The following AKAP8L variants were observed in gnomAD, a reference collection of about 807,000 sequenced individuals.
The protein encoded by AKAP8L is A-kinase anchoring protein 8 like, also known as A-kinase anchor protein 8-like.
Under a neutral mutation model 77.5 loss-of-function variants are expected in AKAP8L, and 34 were observed. That is an observed-to-expected ratio of 0.44 (90% confidence interval 0.33 to 0.58). AKAP8L has a LOEUF of 0.58. Ranked by LOEUF, AKAP8L falls within the 20% of genes least tolerant of loss-of-function variation. The pLI, the probability that AKAP8L is intolerant of heterozygous loss-of-function variation, is 0.02. For missense variants in AKAP8L, 806 were observed against 887.6 expected (o/e 0.91, Z 1.17); for synonymous variants, 342 against 340.7 (o/e 1.00, Z -0.04).
At chr19:15,415,418 T>C (rs1968185291) in intron 1 of AKAP8L, among the ~76,000 whole-genome samples, 1 of 151,658 alleles carries the variant, frequency 6.6e-6, no homozygotes, top group Admixed American at 6.6e-5. Flanking sequence ...CTGGGCAACA[T>C]AGTGAGACCC....
intron 1 of AKAP8L, among the ~76,000 whole-genome samples, chr19:15,418,155 C>A (rs560329829): frequency 1.3e-5 from 2 of 152,220 alleles, no homozygotes; most frequent in African/African-American, 2.4e-5. Context: ...AGTGGAGCGA[C>A]CCCCGCACGG....
chr19:15,390,075 A>G (rs1199331564), intron 12 of AKAP8L, among the ~76,000 whole-genome samples: 1 of 152,132 alleles, frequency 6.6e-6, no homozygotes, highest in African/African-American at 2.4e-5. Context: ...CTATCTGAAT[A>G]TACCCTATAA....
At chr19:15,390,868 C>T (rs1475933855) in intron 12 of AKAP8L, among the ~76,000 whole-genome samples, 1 of 152,170 alleles carries the variant, frequency 6.6e-6, no homozygotes, top group Non-Finnish European at 1.5e-5. Context: ...AAGTCCAACA[C>T]CATTTTAAGA....
rs749492384 is a variant in AKAP8L at position 15,401,467 on chromosome 19, G to T, written c.499C>A (p.Gln167Lys). Reference sequence around the variant, plus strand: ...GTGTCGTTGCCACGCATGCGGAACTGGTCGCGGTAGGCATCGTATTGGCCC... The same window carrying T: ...GTGTCGTTGCCACGCATGCGGAACTTGTCGCGGTAGGCATCGTATTGGCCC... The part of the protein sequence containing the change: ...YEGQYDAYRD[Q>K]FRMRGNDTFG... Residue 167 changes from glutamine to lysine, a missense_variant, in exon 5 of 14, where the codon CAG (glutamine) becomes AAG (lysine). This residue lies in a region of AKAP8L where 580 missense variants were observed against 694.1 expected (regional missense o/e 0.84). Transcript: ENST00000397410. The surrounding 1 kb of genome is among the most constrained non-coding windows in gnomAD (Gnocchi z 6.2). 25 of 1,613,688 alleles carry T rather than the reference G, an allele frequency of 1.5e-5. No individual in the cohort carries two copies. The African/African-American group carries it at 2.9e-4, about 19-fold the overall frequency.
chr19:15,404,180 G>C (rs370639408), intron 2 of AKAP8L, 138 bp from the exon 3 acceptor site: 1 of 810,066 alleles, frequency 1.2e-6, no homozygotes, highest in African/African-American at 1.7e-5. Context: ...TTGAGCTCGC[G>C]AGCACTGCGC....
chr19:15,415,897 CAA>C (rs60781424), intron 1 of AKAP8L, among the ~76,000 whole-genome samples: 2 of 149,508 alleles, frequency 1.3e-5, no homozygotes, highest in South Asian at 2.1e-4. Flanking sequence ...AAAAAAAAAA[CAA>C]AAAAAAAATC....
At chr19:15,394,531 G>C (rs1290907079) in intron 12 of AKAP8L, among the ~76,000 whole-genome samples, 1 of 151,848 alleles carries the variant, frequency 6.6e-6, no homozygotes, top group Admixed American at 6.6e-5. Flanking sequence ...CCAATGAATT[G>C]GTTTTTTTTT....
intron 12 of AKAP8L, chr19:15,381,267 G>A (rs551281713): frequency 2.6e-5 from 4 of 152,984 alleles, no homozygotes; most frequent in Middle Eastern, 3.4e-3. Context: ...GTGAAAAATG[G>A]GAAAACACCT....
Position 15,380,442 on chromosome 19 carries a change from G to A in AKAP8L, c.1633-12C>T, listed in dbSNP as rs761263248. 1.9e-6 allele frequency: 3 copies of A among 1,609,206 alleles called. No individual in the cohort carries two copies. Among genetic ancestry groups the A allele is most frequent in the Non-Finnish European group, 2.5e-6 (3 of 1,178,168 alleles). On this transcript the variant is annotated splice_polypyrimidine_tract_variant and intron_variant, in intron 13 of 13. Transcript: ENST00000397410. ...AAAGGGTTCTCGCCCTGTGGGGAGG[G>A]GCGCGGACACTGAAGGGAGGGAGCA...
At chr19:15,400,220 G>GCC (rs1568268141) in intron 8 of AKAP8L, 75 bp downstream of exon 8, 2 of 1,495,316 alleles carry the variant, frequency 1.3e-6, no homozygotes, top group East Asian at 2.3e-5. Flanking sequence ...CCGCAACCCT[G>GCC]CCCTCAGCTG....
chr19:15,402,870 C>T (rs1967925830), intron 4 of AKAP8L, among the ~76,000 whole-genome samples: 1 of 152,234 alleles, frequency 6.6e-6, no homozygotes, highest in Admixed American at 6.5e-5. Context: ...CGAGGCCCAG[C>T]CCCACCAAGT....
In AKAP8L at chr19:15,380,292, C is replaced by T. The variant is rs934255513; in HGVS notation, c.1771G>A (p.Val591Met). 1.3e-6 allele frequency: 2 copies of T among 1,528,614 alleles called. No homozygotes were observed. The highest frequency in any genetic ancestry group is 8.7e-7 in the Non-Finnish European group (1 of 1,144,248). The allele number at this position is 1,528,614 out of a possible 1,614,324, so 94.7% of individuals were successfully genotyped here. Residue 591 changes from valine to methionine, a missense_variant, in exon 14 of 14, where the codon GTG becomes ATG. Physicochemically the swap from Val to Met is conservative, Grantham distance 21. Around this residue, in one of 2 missense-constraint regions of AKAP8L, gnomAD observed 226 missense variants for 193.5 expected, o/e 1.17. Transcript: ENST00000397410. ...GAEGVPAQPP[V>M]PPEPAPGAVS... Reference sequence around the variant, plus strand: ...GCCCCGGGGGCTGGCTCTGGGGGCACGGGAGGCTGCGCCGGCACGCCCTCT... The same window carrying T: ...GCCCCGGGGGCTGGCTCTGGGGGCATGGGAGGCTGCGCCGGCACGCCCTCT...
Position 15,401,696 on chromosome 19 carries a change from C to A in AKAP8L, c.363-93G>T. 9.8e-7 allele frequency: 1 copy of A among 1,018,984 alleles called. No homozygotes were observed. The highest frequency in any genetic ancestry group is 1.4e-6 in the Non-Finnish European group (1 of 709,328). The allele number at this position is 1,018,984 out of a possible 1,614,324, so 63.1% of individuals were successfully genotyped here. On this transcript the variant is annotated intron_variant, in intron 4 of 13. Transcript: ENST00000397410. This position sits in a 1 kb window ranked among gnomAD's most constrained non-coding sequence, Gnocchi z 6.2. The stretch of plus-strand genomic sequence containing the variant: ...TGCCCTCCCCAATCTCCCAGTCCAG[C>A]ACCCACCCTGCCCTGGTTGGGAGGC...
At chr19:15,387,303 C>A (rs1054415584) in intron 12 of AKAP8L, among the ~76,000 whole-genome samples, 1 of 152,144 alleles carries the variant, frequency 6.6e-6, no homozygotes, top group African/African-American at 2.4e-5. Flanking sequence ...ACAGTGAGAG[C>A]ACGGCCTTAA....
chr19:15,384,949 C>T (rs1442594801), intron 12 of AKAP8L, among the ~76,000 whole-genome samples: 2 of 150,862 alleles, frequency 1.3e-5, no homozygotes, highest in East Asian at 1.9e-4. Context: ...CAGCTCACTG[C>T]GAGCTCCGCC....
At position 15,389,510 on chromosome 19, in the gene AKAP8L, C is replaced by T. The variant is rs1279357753; in HGVS notation, c.1536+7640G>A. 2.6e-5 allele frequency among the ~76,000 whole-genome samples: 4 copies of T among 152,090 alleles called. 1 individual carries two copies. The highest frequency in any genetic ancestry group is 4.1e-4 in the South Asian group (2 of 4,832). ...AGCTCAGGCCGGGCGTGGTGGCTCA[C>T]GCCTGTAATCCCAGCACTTTGGGAG... On this transcript the variant is annotated intron_variant, in intron 12 of 13. Transcript: ENST00000397410.
rs901331949 is a variant in AKAP8L at position 15,403,113 on chromosome 19, C to G, written c.362+362G>C. On this transcript the variant is annotated intron_variant, in intron 4 of 13. Coordinates refer to ENST00000397410, the MANE Select transcript of AKAP8L (RefSeq NM_014371.4). This position sits in a 1 kb window ranked among gnomAD's most constrained non-coding sequence, Gnocchi z 4.3. ...ACCCTTCACACCAAACTCCATCTGT[C>G]CTGCCCTGACACCACGCAGGAGGCA... Among the ~76,000 whole-genome samples the G allele has an allele frequency of 1.3e-5, 2 of 152,154 alleles. No individual in the cohort carries two copies. Among genetic ancestry groups the G allele is most frequent in the African/African-American group, 4.8e-5 (2 of 41,434 alleles).
rs1206074056 is a variant in AKAP8L at position 15,397,880 on chromosome 19, C to T, written c.1158-25G>A. ...CCTGCCACAGGAAGGAAACGAGGGG[C>T]TGAGGCTGCAAGTGTCCCAGGGGAT... On this transcript the variant is annotated intron_variant, in intron 9 of 13. Transcript: ENST00000397410. The surrounding 1 kb of genome is among the most constrained non-coding windows in gnomAD (Gnocchi z 4.7). 1.2e-6 allele frequency: 2 copies of T among 1,610,294 alleles called. No individual in the cohort carries two copies.
chr19:15,406,366 A>AGAGG (rs1314237554), intron 2 of AKAP8L, among the ~76,000 whole-genome samples: 3 of 126,838 alleles, frequency 2.4e-5, no homozygotes, highest in Non-Finnish European at 1.8e-5. Context: ...TTTTAAGGAG[A>AGAGG]GAGAGAGAGA....
Sources: allele counts gnomAD v4.1 joint callset (sites outside exome capture counted in the v4.1 genomes callset), GRCh38; gene constraint gnomAD v4.1.1; regional missense constraint gnomAD v4.1.1; non-coding constraint Gnocchi (gnomAD v3.1); transcripts MANE v1.5; gene names NCBI Gene and HGNC (gene_info 2026-07-23, HGNC 2026-07-21).